UBE2W: variants seen among roughly 807,000 people sequenced by gnomAD.
UBE2W encodes ubiquitin conjugating enzyme E2 W.
A neutral mutation model predicts 27.2 loss-of-function variants in UBE2W; 18 were observed. That is an observed-to-expected ratio of 0.66 (90% confidence interval 0.46 to 0.98). The LOEUF (loss-of-function observed/expected upper bound fraction) is 0.98. Ranked by LOEUF, UBE2W falls within the 50% of genes least tolerant of loss-of-function variation. UBE2W has a pLI of 0.00. For missense variants in UBE2W, 90 were observed against 180.2 expected, an observed-to-expected ratio of 0.50 and a Z score of 2.87; for synonymous variants, 53 against 57.2, an observed-to-expected ratio of 0.93 and a Z score of 0.33.
At chr8:73,872,190 C>T (rs553440724) in intron 1 of UBE2W, among the ~76,000 whole-genome samples, 24 of 152,312 alleles carry the variant, frequency 1.6e-4, no homozygotes, top group Admixed American at 1.2e-3. Flanking sequence ...AGATTTCCTG[C>T]TTCATTAAGG....
chr8:73,870,390 C>CAA, intron 1 of UBE2W: 1 of 1,060,210 alleles, frequency 9.4e-7, no homozygotes, highest in Non-Finnish European at 1.3e-6. Flanking sequence ...GACTAGAAAT[C>CAA]AGAAAAAAAA....
intron 1 of UBE2W, among the ~76,000 whole-genome samples, chr8:73,871,027 T>C (rs1419324229): frequency 6.6e-6 from 1 of 152,088 alleles, no homozygotes; most frequent in Non-Finnish European, 1.5e-5. Context: ...GAAGTCATAG[T>C]AGGATTATGA....
chr8:73,824,840 C>T (rs915556280), intron 3 of UBE2W, among the ~76,000 whole-genome samples: 1 of 152,188 alleles, frequency 6.6e-6, no homozygotes, highest in Admixed American at 6.5e-5. Flanking sequence ...AGGCCATGGA[C>T]CAGTACTAGT....
intron 1 of UBE2W, 128 bp downstream of exon 1, chr8:73,878,680 A>C (rs913845738): frequency 1.2e-6 from 1 of 825,026 alleles, no homozygotes; most frequent in African/African-American, 1.7e-5. Context: ...AGCTGAGGGA[A>C]AACAGGCCAC....
intron 5 of UBE2W, among the ~76,000 whole-genome samples, 179 bp downstream of exon 5, chr8:73,805,472 C>CAAAACAAAAAAAAAAAAAAAAAAAAAAA (rs1554579998): frequency 2.3e-5 from 1 of 43,694 alleles, no homozygotes; most frequent in African/African-American, 6.0e-5. Flanking sequence ...AAAAAAAAAA[C>CAAAACAAAAAAAAAAAAAAAAAAAAAAA]AAAAAAAACT....
intron 3 of UBE2W, among the ~76,000 whole-genome samples, chr8:73,823,058 G>A (rs1018325557): frequency 2.0e-5 from 3 of 152,152 alleles, no homozygotes; most frequent in African/African-American, 7.2e-5. Flanking sequence ...AAAAAGAAGT[G>A]TTCCCAGAGC....
chr8:73,783,839 T>C (rs1807887975), downstream of UBE2W, among the ~76,000 whole-genome samples: 1 of 152,190 alleles, frequency 6.6e-6, no homozygotes, highest in Admixed American at 6.5e-5. Flanking sequence ...CTGGGCTCAC[T>C]GCAACCTCCG....
chr8:73,859,514 T>A (rs1038803811), intron 1 of UBE2W, among the ~76,000 whole-genome samples: 3 of 152,242 alleles, frequency 2.0e-5, no homozygotes, highest in Non-Finnish European at 4.4e-5. Context: ...AGTAAATATA[T>A]TTTCGCTCAT....
chr8:73,798,221 C>T lies in UBE2W; in HGVS notation c.443-4106G>A, dbSNP rs552787097. On this transcript the variant is annotated intron_variant, in intron 5 of 5. Coordinates refer to ENST00000602593, the MANE Select transcript of UBE2W (RefSeq NM_018299.6). ...CTGAGGTGGGAGGATCACCTGAGCC[C>T]GGGAAGTTGAGGCTGCAATGAGCCA... Among the ~76,000 whole-genome samples the T allele has an allele frequency of 1.1e-3, 162 of 152,070 alleles. 5 individuals carry two copies. In the South Asian group the frequency reaches 0.031, roughly 29 times the overall value.
intron 1 of UBE2W, among the ~76,000 whole-genome samples, chr8:73,869,596 CAGA>C (rs1212443431): frequency 6.6e-6 from 1 of 152,094 alleles, no homozygotes; most frequent in Non-Finnish European, 1.5e-5. Flanking sequence ...GAGGCTGAAG[CAGA>C]AGAATTGCTT....
At chr8:73,803,829 C>T (rs543534920) in intron 5 of UBE2W, among the ~76,000 whole-genome samples, 16 of 150,544 alleles carry the variant, frequency 1.1e-4, no homozygotes, top group African/African-American at 3.9e-4. Context: ...TGCAGTGGCG[C>T]GATCTCCGCT....
downstream of UBE2W, among the ~76,000 whole-genome samples, chr8:73,785,748 C>A (rs548096136): frequency 1.3e-5 from 2 of 152,062 alleles, no homozygotes; most frequent in Admixed American, 1.3e-4. Context: ...CCCACCACCA[C>A]GCCGTTATTT....
At chr8:73,835,738 G>T (rs768824965) in intron 1 of UBE2W, among the ~76,000 whole-genome samples, 3 of 152,084 alleles carry the variant, frequency 2.0e-5, no homozygotes, top group South Asian at 2.1e-4. Context: ...GCGAGACTTT[G>T]CCTCAAAAAA....
At chr8:73,795,800 G>A in intron 5 of UBE2W, 1 of 984,660 alleles carries the variant, frequency 1.0e-6, no homozygotes, top group Non-Finnish European at 1.2e-6. Flanking sequence ...CAATTTTCTT[G>A]GCAATGCAAA....
At chr8:73,799,021 T>C (rs1489869123) in intron 5 of UBE2W, among the ~76,000 whole-genome samples, 1 of 152,088 alleles carries the variant, frequency 6.6e-6, no homozygotes, top group Non-Finnish European at 1.5e-5. Context: ...TGGCAATGAA[T>C]AAATTTGCAT....
At chr8:73,808,918 T>C (rs1809030528) in intron 4 of UBE2W, among the ~76,000 whole-genome samples, 1 of 152,194 alleles carries the variant, frequency 6.6e-6, no homozygotes. Context: ...TAATAATAAA[T>C]CATTATATTT....
At chr8:73,810,357 A>AT (rs1364023522) in intron 4 of UBE2W, 117 bp downstream of exon 4, 1 of 1,047,792 alleles carries the variant, frequency 9.5e-7, no homozygotes, top group Non-Finnish European at 1.3e-6. Context: ...ATTCCCTATA[A>AT]TTTTCAAATA....
chr8:73,849,091 C>T (rs1438664045), intron 1 of UBE2W, among the ~76,000 whole-genome samples: 1 of 152,016 alleles, frequency 6.6e-6, no homozygotes, highest in African/African-American at 2.4e-5. Context: ...GTTGAATCTA[C>T]ACAAAAGCTA....
chr8:73,805,783 G>T, intron 4 of UBE2W, 57 bp from the exon 5 acceptor site: 1 of 1,018,896 alleles, frequency 9.8e-7, no homozygotes, highest in Non-Finnish European at 1.4e-6. Context: ...GAGGGTGACA[G>T]TTTTAATAAA....
Sources: allele counts gnomAD v4.1 joint callset (sites outside exome capture counted in the v4.1 genomes callset), GRCh38; gene constraint gnomAD v4.1.1; transcripts MANE v1.5; gene names NCBI Gene and HGNC (gene_info 2026-07-23, HGNC 2026-07-21).